SLC12A8: variants seen among roughly 807,000 people sequenced by gnomAD.
SLC12A8 encodes cation-chloride cotransporter 9.
In SLC12A8, 69 loss-of-function variants were observed where a neutral mutation model predicts 75.6. The ratio of observed to expected loss-of-function variants is 0.91; its 90% CI spans 0.75 to 1.11. The LOEUF (loss-of-function observed/expected upper bound fraction) is 1.11. Among genes scored for constraint, SLC12A8 ranks in the 50% most tolerant of loss-of-function variants. SLC12A8 has a pLI of 0.00. For synonymous variants in SLC12A8, 365 were observed against 372.8 expected, an observed-to-expected ratio of 0.98 and a Z score of 0.24; for missense variants, 877 against 896.7, an observed-to-expected ratio of 0.98 and a Z score of 0.28.
chr3:125,117,843 C>T (rs1228415058), intron 8 of SLC12A8, among the ~76,000 whole-genome samples: 3 of 152,128 alleles, frequency 2.0e-5, no homozygotes, highest in East Asian at 3.8e-4. Flanking sequence ...GTCAGATGAC[C>T]TCCAGCCAAT....
intron 6 of SLC12A8, among the ~76,000 whole-genome samples, chr3:125,126,304 T>G (rs1933205202): frequency 6.6e-6 from 1 of 152,112 alleles, no homozygotes; most frequent in Non-Finnish European, 1.5e-5. Flanking sequence ...CACCTACAGT[T>G]TCGATGGATG....
chr3:125,115,721 C>T (rs1939293986), intron 8 of SLC12A8, among the ~76,000 whole-genome samples: 1 of 151,960 alleles, frequency 6.6e-6, no homozygotes, highest in Non-Finnish European at 1.5e-5. Flanking sequence ...GGCAGAAAGC[C>T]CCCGAGAGAG....
rs146279494 is a variant in SLC12A8, at chr3:125,161,898, G to A, written c.622+15845C>T. ...TCCTTGCAAACAAAAAAACCCTGGA[G>A]GAAAACTTTCAAAGCCACAGTTTCT... On this transcript the variant is annotated intron_variant, in intron 5 of 13. Transcript: ENST00000469902. Among the ~76,000 whole-genome samples, 147 of 152,344 alleles carry A rather than the reference G, an allele frequency of 9.6e-4. No individual in the cohort carries two copies. In the East Asian group the frequency reaches 0.02, roughly 21 times the overall value.
chr3:125,154,048 A>G (rs1933993895), intron 5 of SLC12A8, among the ~76,000 whole-genome samples: 1 of 152,164 alleles, frequency 6.6e-6, no homozygotes, highest in African/African-American at 2.4e-5. Flanking sequence ...ATGCCCGGCC[A>G]GATGATGAAT....
At chr3:125,112,226 T>C (rs1939205451) in intron 8 of SLC12A8, among the ~76,000 whole-genome samples, 1 of 152,228 alleles carries the variant, frequency 6.6e-6, no homozygotes, top group African/African-American at 2.4e-5. Context: ...TGTCTTTAAT[T>C]CACTGTTGAT....
chr3:125,204,586 G>A (rs1935191150), intron 2 of SLC12A8, among the ~76,000 whole-genome samples: 1 of 152,106 alleles, frequency 6.6e-6, no homozygotes, highest in African/African-American at 2.4e-5. Flanking sequence ...GAAGGGGATT[G>A]GGGGGATGAA....
intron 8 of SLC12A8, among the ~76,000 whole-genome samples, chr3:125,114,566 A>T (rs1388548207): frequency 2.0e-5 from 3 of 152,130 alleles, no homozygotes; most frequent in African/African-American, 7.2e-5. Context: ...CTGGAACTAC[A>T]GGCATGCACC....
intron 6 of SLC12A8, among the ~76,000 whole-genome samples, chr3:125,124,412 C>T (rs1933144241): frequency 1.3e-5 from 2 of 152,090 alleles, no homozygotes; most frequent in South Asian, 2.1e-4. Context: ...CTGCAACCTC[C>T]GCCTCCTGGG....
intron 2 of SLC12A8, among the ~76,000 whole-genome samples, chr3:125,198,360 G>T (rs1363004529): frequency 2.0e-5 from 3 of 152,090 alleles, no homozygotes; most frequent in African/African-American, 7.2e-5. Context: ...CTGGCCAGGT[G>T]CAGTGGCTCA....
At chr3:125,155,942 T>C (rs993383595) in intron 5 of SLC12A8, among the ~76,000 whole-genome samples, 12 of 152,022 alleles carry the variant, frequency 7.9e-5, no homozygotes, top group Non-Finnish European at 1.8e-4. Context: ...GAAATTTCCC[T>C]TCACATCCCT....
intron 5 of SLC12A8, among the ~76,000 whole-genome samples, chr3:125,176,043 G>A (rs970114846): frequency 2.0e-5 from 3 of 150,916 alleles, no homozygotes; most frequent in East Asian, 2.0e-4. Flanking sequence ...ATCAGTGGAT[G>A]CCAACCGAAT....
intron 2 of SLC12A8, among the ~76,000 whole-genome samples, chr3:125,199,988 T>G (rs1040193359): frequency 6.6e-6 from 1 of 152,126 alleles, no homozygotes; most frequent in African/African-American, 2.4e-5. Flanking sequence ...ATAAGAATAT[T>G]ATTTAAAGTT....
intron 5 of SLC12A8, among the ~76,000 whole-genome samples, chr3:125,152,418 C>T (rs1933948551): frequency 6.6e-6 from 1 of 152,156 alleles, no homozygotes; most frequent in African/African-American, 2.4e-5. Flanking sequence ...ATTTTATTTA[C>T]TTTAGAATGC....
intron 4 of SLC12A8, among the ~76,000 whole-genome samples, chr3:125,179,829 G>A (rs761487504): frequency 6.6e-5 from 10 of 152,124 alleles, no homozygotes; most frequent in African/African-American, 1.2e-4. Flanking sequence ...TGATAGTGAC[G>A]TTATTTCATC....
chr3:125,151,623 T>TG (rs1933926805), intron 5 of SLC12A8: 1 of 152,182 alleles, frequency 6.6e-6, no homozygotes, highest in African/African-American at 2.4e-5. Context: ...CTTAGCAGAG[T>TG]GGTGGCGACA....
chr3:125,142,682 T>A (rs770447662), intron 5 of SLC12A8, among the ~76,000 whole-genome samples: 14 of 152,244 alleles, frequency 9.2e-5, no homozygotes, highest in Non-Finnish European at 4.4e-5. Context: ...GAGACCGGCA[T>A]GGGCCAGAGA....
At chr3:125,106,356 T>TTTGTTG (rs1553786563) in intron 10 of SLC12A8, among the ~76,000 whole-genome samples, 2 of 151,826 alleles carry the variant, frequency 1.3e-5, no homozygotes, top group African/African-American at 4.8e-5. Context: ...TTTGGGGTTT[T>TTTGTTG]TTGTTGTTGT....
chr3:125,119,896 G>C (rs1256486017), intron 7 of SLC12A8: 1 of 456,638 alleles, frequency 2.2e-6, no homozygotes, highest in South Asian at 1.5e-5. Flanking sequence ...TTCTTCCTGT[G>C]GTACAGAGAG....
intron 6 of SLC12A8, among the ~76,000 whole-genome samples, chr3:125,133,395 C>A (rs1478176312): frequency 1.3e-5 from 2 of 150,458 alleles, no homozygotes; most frequent in Non-Finnish European, 3.0e-5. Flanking sequence ...TTTTTTGATA[C>A]AGGGTCTCAC....
Sources: allele counts gnomAD v4.1 joint callset (sites outside exome capture counted in the v4.1 genomes callset), GRCh38; gene constraint gnomAD v4.1.1; transcripts MANE v1.5; gene names NCBI Gene and HGNC (gene_info 2026-07-23, HGNC 2026-07-21).